The following FLNA variants were observed in gnomAD, a reference collection of about 807,000 sequenced individuals.
The protein encoded by FLNA is filamin-A.
A neutral mutation model predicts 157.6 loss-of-function variants in FLNA; 7 were observed. That is an observed-to-expected ratio of 0.04 (90% CI 0.03 to 0.08). The LOEUF is 0.08. Among genes scored for constraint, FLNA ranks in the 10% least tolerant of loss-of-function variants. The pLI is 1.00. For missense variants in FLNA, 1,750 were observed against 2,398.4 expected, an observed-to-expected ratio of 0.73 and a Z score of 5.65; for synonymous variants, 1,103 against 1,060.8, an observed-to-expected ratio of 1.04 and a Z score of -0.77.
rs1064796798 is a variant in FLNA, at chrX:154,367,847, G to A, written c.617C>T (p.Ala206Val). The A allele has an allele frequency of 8.3e-7, 1 of 1,210,721 alleles. No individual in the cohort carries two copies. The highest frequency in any genetic ancestry group is 1.1e-6 in the Non-Finnish European group (1 of 895,298). Reference sequence around the variant, plus strand: ...CTGCCTCTGCGCCCCCTCACCCGGGGCACAGCTGTCCACCAGGGCGCCCAG... The same window carrying A: ...CTGCCTCTGCGCCCCCTCACCCGGGACACAGCTGTCCACCAGGGCGCCCAG... ...RALGALVDSC[A>V]PGLCPDWDSW... Residue 206 changes from alanine (A) to valine (V), a missense_variant, in exon 3 of 48, where the codon GCC (alanine) becomes GTC (valine). Physicochemically the swap from Ala to Val is moderately conservative, Grantham distance 64. Coordinates refer to ENST00000369850, the MANE Select transcript of FLNA (RefSeq NM_001110556.2).
chrX:154,363,223 T>C lies in FLNA; in HGVS notation c.2281-439A>G, dbSNP rs782204230. ...CCTGGGGTCAGGCGGTTGAGACCAG[T>C]CTGACCAACATGGAGAAACCCCGTC... On this transcript the variant is annotated intron_variant, in intron 15 of 47. Coordinates refer to ENST00000369850, the MANE Select transcript of FLNA (RefSeq NM_001110556.2). Among the ~76,000 whole-genome samples the C allele has an allele frequency of 1.6e-4, 18 of 110,260 alleles. No homozygotes were observed. In the East Asian group the frequency reaches 4.8e-3, roughly 30 times the overall value.
intron 44 of FLNA, 21 bp downstream of exon 44, chrX:154,350,888 C>T: frequency 3.3e-6 from 4 of 1,208,559 alleles, no homozygotes; most frequent in Non-Finnish European, 4.5e-6. Flanking sequence ...GCAGGGCGGC[C>T]GGGCAGGGAC....
In FLNA at chrX:154,359,289, G is replaced by A. The variant is rs782653215; in HGVS notation, c.4260C>T (p.Gly1420=). The change falls in exon 25 of 48, where the codon GGC becomes GGT. Residue 1420 remains glycine, a synonymous_variant. Coordinates refer to ENST00000369850, the MANE Select transcript of FLNA (RefSeq NM_001110556.2). ...CSVEYIPYEA[G]TYSLNVTYGG... ...CATAGGTGACGTTGAGGCTGTAGGT[G>A]CCAGCCTCATAAGGGATGTACTCGA... 6 of 1,211,104 alleles carry A rather than the reference G, an allele frequency of 5.0e-6. No individual in the cohort carries two copies. In the Admixed American group the frequency reaches 1.1e-4, roughly 22 times the overall value.
In FLNA at chrX:154,353,448, G is replaced by T; in HGVS notation, c.5870C>A (p.Ser1957Tyr). ...GACCTTTAGGTGGGACATACGCATG[G>T]AGTCGTCACCTGGTGGGGACAGGCC... ...PFTARVTGDD[S>Y]MRMSHLKVGS... Residue 1957 changes from serine to tyrosine, a missense_variant, in exon 37 of 48, where the codon TCC becomes TAC. By Grantham distance (144) the Ser-to-Tyr change is moderately radical (BLOSUM62 -2). Coordinates refer to ENST00000369850, the MANE Select transcript of FLNA (RefSeq NM_001110556.2). The T allele has an allele frequency of 8.3e-7, 1 of 1,211,635 alleles. No individual in the cohort carries two copies. Among genetic ancestry groups the T allele is most frequent in the Non-Finnish European group, 1.1e-6 (1 of 895,536 alleles).
Position 154,361,358 on chromosome X carries a change from G to A in FLNA, c.3157C>T (p.Pro1053Ser). The A allele has an allele frequency of 8.3e-7, 1 of 1,208,183 alleles. No homozygotes were observed. Among genetic ancestry groups the A allele is most frequent in the Non-Finnish European group, 1.1e-6 (1 of 894,739 alleles). ...VEVTYDGVPV[P>S]GSPFPLEAVA... Reference sequence around the variant, plus strand: ...GCTTCCAGAGGAAAGGGGCTGCCAGGCACGGGCACGCCGTCATAGGTCACC... The same window carrying A: ...GCTTCCAGAGGAAAGGGGCTGCCAGACACGGGCACGCCGTCATAGGTCACC... Residue 1053 changes from proline to serine, a missense_variant, in exon 21 of 48, where the codon CCT (proline) becomes TCT (serine). Physicochemically the swap from Pro to Ser is moderately conservative, Grantham distance 74. Transcript: ENST00000369850.
intron 2 of FLNA, among the ~76,000 whole-genome samples, chrX:154,368,429 G>A (rs949845390): frequency 1.8e-5 from 2 of 112,433 alleles, no homozygotes; most frequent in Non-Finnish European, 3.8e-5. Context: ...GCTGGACAGT[G>A]TCCACAGCTG....
In FLNA at chrX:154,352,308, C is replaced by A; in HGVS notation, c.6642G>T (p.Val2214=). 1 of 1,211,196 alleles carries A rather than the reference C, an allele frequency of 8.3e-7. No individual in the cohort carries two copies. The highest frequency in any genetic ancestry group is 1.7e-5 in the African/African-American group (1 of 57,672). Residue 2214 remains valine, a synonymous_variant, in exon 41 of 48, where the codon GTG becomes GTT. Transcript: ENST00000369850. ...CAGGCACGTGCTGGCCCTTGTACTT[C>A]ACGCTGACTGTGTGTGTGCCCATCT... ...PAEMGTHTVS[V]KYKGQHVPGS... is the part of the protein sequence containing the mutation.
At chrX:154,349,235 C>T in intron 47 of FLNA, 127 bp downstream of exon 47, 1 of 798,413 alleles carries the variant, frequency 1.3e-6, no homozygotes, top group Non-Finnish European at 1.9e-6. Context: ...CAGGAGGTGG[C>T]AGGGAGGTGG....
chrX:154,355,137 G>A (rs1048673463), intron 30 of FLNA, 65 bp from the exon 31 acceptor site: 65 of 1,123,206 alleles, frequency 5.8e-5, no homozygotes, highest in Admixed American at 5.0e-4. Context: ...GGTTGTTCCC[G>A]TCCGCCTGCC....
At chrX:154,350,886 G>A in intron 44 of FLNA, 23 bp downstream of exon 44, 1 of 1,207,828 alleles carries the variant, frequency 8.3e-7, no homozygotes, top group Non-Finnish European at 1.1e-6. Context: ...GGGCAGGGCG[G>A]CCGGGCAGGG....
chrX:154,358,667 C>G (rs2067681114), intron 26 of FLNA, 99 bp from the exon 27 acceptor site: 1 of 1,030,949 alleles, frequency 9.7e-7, no homozygotes, highest in African/African-American at 1.9e-5. Context: ...AGGCCTAGAC[C>G]TCGCTTTATC....
Position 154,367,428 on chromosome X carries a change from C to T in FLNA, c.837G>A (p.Leu279=). 8.3e-7 allele frequency: 1 copy of T among 1,210,250 alleles called. No homozygotes were observed. Among genetic ancestry groups the T allele is most frequent in the Non-Finnish European group, 1.1e-6 (1 of 895,274 alleles). ...LKPGAPLRPK[L]NPKKARAYGP... The stretch of plus-strand genomic sequence containing the variant: ...CGTAGGCACGGGCTTTCTTCGGGTT[C>T]AGTTTGGGCCGCAAGGGAGCCCCTG... The change falls in exon 5 of 48, where the codon CTG becomes CTA. Residue 279 remains leucine, a synonymous_variant. Coordinates refer to ENST00000369850, the MANE Select transcript of FLNA (RefSeq NM_001110556.2).
chrX:154,353,699 C>A lies in FLNA; in HGVS notation c.5715G>T (p.Pro1905=). The A allele has an allele frequency of 8.3e-7, 1 of 1,210,847 alleles. No individual in the cohort carries two copies. The highest frequency in any genetic ancestry group is 1.1e-6 in the Non-Finnish European group (1 of 895,012). ...EGGLSLAIEG[P]SKAEISCTDN... ...CAGTGCAGCTGATTTCTGCTTTGGA[C>A]GGGCCCTCAATGGCCAGAGACAGGC... The change falls in exon 36 of 48, where the codon CCG becomes CCT. Residue 1905 remains proline (P), a synonymous_variant. Coordinates refer to ENST00000369850, the MANE Select transcript of FLNA (RefSeq NM_001110556.2).
intron 2 of FLNA, among the ~76,000 whole-genome samples, chrX:154,368,864 C>A (rs1557179806): frequency 1.8e-5 from 2 of 112,884 alleles, no homozygotes; most frequent in Non-Finnish European, 3.8e-5. Context: ...CCCCTTGCCA[C>A]CCACTGCCTG....
chrX:154,352,086 G>C (rs369808101), intron 41 of FLNA, 65 bp from the exon 42 acceptor site: 1 of 1,206,809 alleles, frequency 8.3e-7, no homozygotes, highest in Admixed American at 2.2e-5. Context: ...TCCAGGCATA[G>C]CCAAGGTAGA....
Position 154,359,768 on chromosome X carries a change from C to G in FLNA, c.3943G>C (p.Gly1315Arg), listed in dbSNP as rs2148111682. 8.3e-7 allele frequency: 1 copy of G among 1,210,996 alleles called. No individual in the cohort carries two copies. Among genetic ancestry groups the G allele is most frequent in the Non-Finnish European group, 1.1e-6 (1 of 895,502 alleles). The change falls in exon 23 of 48, where the codon GGC (glycine) becomes CGC (arginine). Residue 1315 changes from glycine to arginine, a missense_variant. This residue lies in a region of FLNA where 970 missense variants were observed against 1,302.6 expected (regional missense o/e 0.74). Coordinates refer to ENST00000369850, the MANE Select transcript of FLNA (RefSeq NM_001110556.2). ...TETYVQDRGD[G>R]MYKVEYTPYE... ...GGCGTGTACTCCACTTTGTACATGC[C>G]ATCGCCACGGTCCTGAACGTAGGTC...
intron 44 of FLNA, 39 bp downstream of exon 44, chrX:154,350,870 C>G: frequency 8.3e-7 from 1 of 1,201,436 alleles, no homozygotes; most frequent in Non-Finnish European, 1.1e-6. Flanking sequence ...CTGCTTCCAG[C>G]CAGCAGGGCA....
intron 30 of FLNA, among the ~76,000 whole-genome samples, chrX:154,356,041 G>A (rs1005839210): frequency 1.8e-5 from 2 of 112,388 alleles, no homozygotes; most frequent in African/African-American, 6.5e-5. Context: ...CCGCGGCCAG[G>A]CAGCTCTCCC....
At chrX:154,370,665 G>C (rs1428102904) in intron 2 of FLNA, among the ~76,000 whole-genome samples, 2 of 112,920 alleles carry the variant, frequency 1.8e-5, no homozygotes, top group East Asian at 5.6e-4. Flanking sequence ...CAGCGGGCGG[G>C]GGCGCGTAGC....
Sources: allele counts gnomAD v4.1 joint callset (sites outside exome capture counted in the v4.1 genomes callset), GRCh38; gene constraint gnomAD v4.1.1; regional missense constraint gnomAD v4.1.1; transcripts MANE v1.5; gene names NCBI Gene and HGNC (gene_info 2026-07-23, HGNC 2026-07-21).